MGAT4B: variants seen among roughly 807,000 people sequenced by gnomAD.
MGAT4B encodes alpha-1,3-mannosyl-glycoprotein 4-beta-N-acetylglucosaminyltransferase B.
MGAT4B carries 38 observed loss-of-function variants against 73.9 expected under a neutral mutation model. The ratio of observed to expected loss-of-function variants is 0.51; its 90% CI spans 0.40 to 0.67. MGAT4B has a LOEUF of 0.67. MGAT4B is among the 30% of genes least tolerant of loss of function. MGAT4B has a pLI of 0.00. For synonymous variants in MGAT4B, 373 were observed against 313.5 expected (o/e 1.19, Z -2.01); for missense variants, 686 against 735.2 (o/e 0.93, Z 0.77).
rs1429539350 is a variant in MGAT4B, at chr5:179,801,823, G to A, written c.244C>T (p.Arg82Ter). Residue 82 changes from arginine (R) to a stop codon, truncating the protein, a stop_gained, in exon 2 of 15, where the codon CGA becomes TGA. Transcript: ENST00000292591. LOFTEE classifies it high-confidence loss of function. The surrounding 1 kb of genome is among the most constrained non-coding windows in gnomAD (Gnocchi z 4.8). ...CAGGTGCGATTGCCGTCTCCGTCTC[G>A]CAGCGCCTGCCTTTCTGACACGGCC... ...KRAVSERQAL[R>*]DGDGNRTWGR... The A allele has an allele frequency of 1.2e-6, 2 of 1,602,976 alleles. No homozygotes were observed. Among genetic ancestry groups the A allele is most frequent in the Admixed American group, 1.7e-5 (1 of 59,586 alleles).
At position 179,799,314 on chromosome 5, in the gene MGAT4B, T is replaced by C. The variant is rs748899073; in HGVS notation, c.1042-4A>G. 5.0e-6 allele frequency: 8 copies of C among 1,613,408 alleles called. No individual in the cohort carries two copies. Among genetic ancestry groups the C allele is most frequent in the Non-Finnish European group, 6.8e-6 (8 of 1,179,866 alleles). ...CTTTCTGCCGGTCACAGTGCTTCTGTGGAGGGTGGGCAACACCCCAGGGCT... is the reference window on the plus strand; with the variant it reads ...CTTTCTGCCGGTCACAGTGCTTCTGCGGAGGGTGGGCAACACCCCAGGGCT... On this transcript the variant is annotated splice_region_variant and splice_polypyrimidine_tract_variant and intron_variant, in intron 9 of 14. Coordinates refer to ENST00000292591, the MANE Select transcript of MGAT4B (RefSeq NM_014275.5).
At chr5:179,800,766 A>G (rs1756884203) in intron 5 of MGAT4B, 141 bp downstream of exon 5, 3 of 1,061,478 alleles carry the variant, frequency 2.8e-6, no homozygotes, top group Non-Finnish European at 4.1e-6. Context: ...CCACTTCTGC[A>G]CACCCACCCC....
intron 9 of MGAT4B, 70 bp from the exon 10 acceptor site, chr5:179,799,380 C>G: frequency 6.3e-7 from 1 of 1,598,922 alleles, no homozygotes; most frequent in Non-Finnish European, 8.6e-7. Context: ...CTCCTGGGGA[C>G]TACCAGGGCC....
rs144925145 is a variant in MGAT4B at position 179,801,585 on chromosome 5, G to A, written c.393C>T (p.Pro131=). 7.4e-4 allele frequency: 1,190 copies of A among 1,607,620 alleles called. 7 individuals carry two copies. In the African/African-American group the frequency reaches 0.014, roughly 19 times the overall value. The change falls in exon 3 of 15, where the codon CCC becomes CCT. Residue 131 remains proline, a synonymous_variant. Coordinates refer to ENST00000292591, the MANE Select transcript of MGAT4B (RefSeq NM_014275.5). This position sits in a 1 kb window ranked among gnomAD's most constrained non-coding sequence, Gnocchi z 4.8. Reference sequence around the variant, plus strand: ...TGCGGCCCTGGCCCACGCGCACCGCGGGCTGCAGACTGCTCTCCTTGGCCA... The same window carrying A: ...TGCGGCCCTGGCCCACGCGCACCGCAGGCTGCAGACTGCTCTCCTTGGCCA... ...HLLAKESSLQ[P]AVRVGQGRTG...
At chr5:179,803,222 G>A (rs1757019627) in intron 1 of MGAT4B, 1 of 985,254 alleles carries the variant, frequency 1.0e-6, no homozygotes, top group Non-Finnish European at 1.2e-6. Context: ...CAAGAAGCCA[G>A]CCCCCACCCT....
In MGAT4B at chr5:179,798,000, G is replaced by C; in HGVS notation, c.*45C>G. On this transcript the variant is annotated 3_prime_UTR_variant, in exon 15 of 15. Coordinates refer to ENST00000292591, the MANE Select transcript of MGAT4B (RefSeq NM_014275.5). ...CGGCAGTGACGACACCCCCAGAAAT[G>C]TGGGCTTCAGGGCTGGCCACAGGGT... The C allele has an allele frequency of 2.5e-6, 4 of 1,590,388 alleles. No homozygotes were observed. Among genetic ancestry groups the C allele is most frequent in the Non-Finnish European group, 3.4e-6 (4 of 1,168,380 alleles).
At chr5:179,805,541 G>C (rs1267478497) in intron 1 of MGAT4B, among the ~76,000 whole-genome samples, 1 of 152,242 alleles carries the variant, frequency 6.6e-6, no homozygotes, top group South Asian at 2.1e-4. Context: ...TGCGGCAGGC[G>C]GGCGTGCTGG....
At chr5:179,800,995 C>T (rs778612777) in intron 4 of MGAT4B, 42 bp from the exon 5 acceptor site, 1 of 1,608,452 alleles carries the variant, frequency 6.2e-7, no homozygotes, top group African/African-American at 1.3e-5. Flanking sequence ...CTGCTGCTGC[C>T]CCAAAAGGCC....
chr5:179,801,142 G>C lies in MGAT4B; in HGVS notation c.559-189C>G. 2.6e-6 allele frequency: 3 copies of C among 1,140,126 alleles called. No homozygotes were observed. Among genetic ancestry groups the C allele is most frequent in the East Asian group, 5.2e-5 (2 of 38,642 alleles). 70.6% of individuals were successfully genotyped at this position (1,140,126 alleles called of 1,614,324 possible). The stretch of plus-strand genomic sequence containing the variant: ...TGGGACTCGCATGGCCAAGGACTAG[G>C]GGGTGGCGGGGGCGATGGGTAGGGG... On this transcript the variant is annotated intron_variant, in intron 4 of 14. Coordinates refer to ENST00000292591, the MANE Select transcript of MGAT4B (RefSeq NM_014275.5). This position sits in a 1 kb window ranked among gnomAD's most constrained non-coding sequence, Gnocchi z 4.8.
intron 11 of MGAT4B, 72 bp from the exon 12 acceptor site, chr5:179,798,663 A>C: frequency 6.5e-7 from 1 of 1,544,974 alleles, no homozygotes; most frequent in East Asian, 2.3e-5. Flanking sequence ...CCAGCAGAGA[A>C]AGGCCAGGCC....
rs370845309 is a variant in MGAT4B at position 179,798,376 on chromosome 5, G to A, written c.1481C>T (p.Pro494Leu). Reference sequence around the variant, plus strand: ...CTGGAGGTAGCCGTCGGGGCTCCGAGGGTACCGGAGGGTGGCGGTGCGGCC... The same window carrying A: ...CTGGAGGTAGCCGTCGGGGCTCCGAAGGTACCGGAGGGTGGCGGTGCGGCC... ...QEGRTATLRY[P>L]RSPDGYLQIG... The change falls in exon 13 of 15, where the codon CCT becomes CTT. Residue 494 changes from proline (P) to leucine (L), a missense_variant. Pro to Leu is a moderately conservative substitution (Grantham distance 98). Around this residue, in one of 2 missense-constraint regions of MGAT4B, gnomAD observed 449 missense variants for 536.8 expected, o/e 0.84. Transcript: ENST00000292591. 15 of 1,612,966 alleles carry A rather than the reference G, an allele frequency of 9.3e-6. No individual in the cohort carries two copies. In the South Asian group the frequency reaches 1.5e-4, roughly 17 times the overall value.
intron 5 of MGAT4B, 133 bp downstream of exon 5, chr5:179,800,774 C>A: frequency 9.0e-7 from 1 of 1,109,132 alleles, no homozygotes. Context: ...GCACACCCAC[C>A]CCTCCCCCAC....
rs202144612 is a variant in MGAT4B, at chr5:179,806,507, G to A, written c.77C>T (p.Ala26Val). The A allele has an allele frequency of 6.0e-6, 8 of 1,325,718 alleles. No homozygotes were observed. The Admixed American group carries it at 1.8e-4, about 30-fold the overall frequency. The allele number at this position is 1,325,718 out of a possible 1,614,324, so 82.1% of individuals were successfully genotyped here. A position where few individuals can be genotyped will look rare whatever the true frequency, so the allele number is the denominator to read the frequency against. ...CTCACCTTTCTGGCCGCTGAGTGCCGCGTACCAGGACAGCGAGAGGAAGGC... is the reference window on the plus strand; with the variant it reads ...CTCACCTTTCTGGCCGCTGAGTGCCACGTACCAGGACAGCGAGAGGAAGGC... The part of the protein sequence containing the change: ...LCAFLSLSWY[A>V]ALSGQKGDVV... The change falls in exon 1 of 15, where the codon GCG (alanine) becomes GTG (valine). Residue 26 changes from alanine to valine, a missense_variant. This residue lies in a region of MGAT4B where 237 missense variants were observed against 198.5 expected (regional missense o/e 1.19). Coordinates refer to ENST00000292591, the MANE Select transcript of MGAT4B (RefSeq NM_014275.5). This position sits in a 1 kb window ranked among gnomAD's most constrained non-coding sequence, Gnocchi z 4.6.
intron 7 of MGAT4B, 40 bp downstream of exon 7, chr5:179,800,144 G>GCGCAGGGCAGGGCAGGGCAA (rs1042495868): frequency 1.2e-6 from 2 of 1,611,388 alleles, no homozygotes; most frequent in African/African-American, 1.3e-5. Flanking sequence ...GGGCAGGGCG[G>GCGCAGGGCAGGGCAGGGCAA]CGCAGGGCAG....
intron 1 of MGAT4B, chr5:179,802,454 A>T: frequency 9.5e-7 from 1 of 1,056,814 alleles, no homozygotes; most frequent in Non-Finnish European, 1.1e-6. Context: ...TCTTAGCCTC[A>T]CGATGGCCCC....
chr5:179,799,762 G>A (rs1019843743), intron 8 of MGAT4B, 126 bp from the exon 9 acceptor site: 23 of 1,441,902 alleles, frequency 1.6e-5, no homozygotes, highest in Middle Eastern at 1.8e-4. Context: ...ACGGGGCAGG[G>A]AGGCAGACAG....
Position 179,799,458 on chromosome 5 carries a change from GCCTGCCCCTTGGC to G in MGAT4B, c.1041+35_1041+47del, listed in dbSNP as rs763118719. ...AGGGACACAGTTTGGGGTGGAGGCTGCCTGCCCCTTGGCCCTGCCCCTGCCAGTCCCGCCAGCT... is the reference window on the plus strand; with the variant it reads ...AGGGACACAGTTTGGGGTGGAGGCTGCCTGCCCCTGCCAGTCCCGCCAGCT... On this transcript the variant is annotated intron_variant, in intron 9 of 14. Coordinates refer to ENST00000292591, the MANE Select transcript of MGAT4B (RefSeq NM_014275.5). 6.0e-5 allele frequency: 96 copies of G among 1,611,838 alleles called. No individual in the cohort carries two copies. The Admixed American group carries it at 1.6e-3, about 27-fold the overall frequency.
At chr5:179,805,308 G>T (rs1368910567) in intron 1 of MGAT4B, 1 of 152,326 alleles carries the variant, frequency 6.6e-6, no homozygotes, top group Non-Finnish European at 1.5e-5. Context: ...TGCTTTTATA[G>T]TCACCCTGCC....
At position 179,806,444 on chromosome 5, in the gene MGAT4B, G is replaced by T; in HGVS notation, c.97+43C>A. The T allele has an allele frequency of 8.5e-7, 1 of 1,170,370 alleles. No homozygotes were observed. Among genetic ancestry groups the T allele is most frequent in the South Asian group, 2.4e-5 (1 of 42,040 alleles). The allele number at this position is 1,170,370 out of a possible 1,614,324, so 72.5% of individuals were successfully genotyped here. On this transcript the variant is annotated intron_variant, in intron 1 of 14. Transcript: ENST00000292591. This position sits in a 1 kb window ranked among gnomAD's most constrained non-coding sequence, Gnocchi z 4.6. ...CGCCGGGCCCGCTCCCGCCGCCGAC[G>T]CCCAGGTGCGCCAGGTGCGGGCCGG... is the stretch of plus-strand genomic sequence containing the variant.
Sources: allele counts gnomAD v4.1 joint callset (sites outside exome capture counted in the v4.1 genomes callset), GRCh38; gene constraint gnomAD v4.1.1; regional missense constraint gnomAD v4.1.1; non-coding constraint Gnocchi (gnomAD v3.1); transcripts MANE v1.5; gene names NCBI Gene and HGNC (gene_info 2026-07-23, HGNC 2026-07-21).